Variants in COL28A1 observed in about 807,000 individuals in gnomAD.
The protein encoded by COL28A1 is collagen type XXVIII alpha 1 chain.
A neutral mutation model predicts 150.2 loss-of-function variants in COL28A1; 161 were observed. The ratio of observed to expected loss-of-function variants is 1.07; its 90% CI spans 0.94 to 1.22. The LOEUF (loss-of-function observed/expected upper bound fraction) is 1.22, where lower values mean the gene tolerates loss of function less well. COL28A1 is among the 50% of genes most tolerant of loss of function. COL28A1 has a pLI of 0.00. For missense variants in COL28A1, 1,617 were observed against 1,388.3 expected, an observed-to-expected ratio of 1.16 and a Z score of -2.62; for synonymous variants, 552 against 469.7, an observed-to-expected ratio of 1.18 and a Z score of -2.26.
At chr7:7,541,112 A>G in the COL28A1 span, among the ~76,000 whole-genome samples, 1 of 152,226 alleles carries the variant, frequency 6.6e-6, no homozygotes, top group Non-Finnish European at 1.5e-5. Flanking sequence ...TTATTATCCC[A>G]TGTTATATTA....
intron 11 of COL28A1, among the ~76,000 whole-genome samples, chr7:7,497,150 T>C (rs1412353052): frequency 6.7e-6 from 1 of 150,038 alleles, no homozygotes; most frequent in Non-Finnish European, 1.5e-5. Context: ...TCAATATTTA[T>C]CAAGTACTTG....
intron 27 of COL28A1, among the ~76,000 whole-genome samples, chr7:7,391,076 C>T (rs1281620976): frequency 1.3e-5 from 2 of 152,092 alleles, no homozygotes; most frequent in African/African-American, 2.4e-5. Flanking sequence ...GTTAGGGTGT[C>T]GATTTTAAAT....
At chr7:7,465,152 C>T (rs374670974) in intron 15 of COL28A1, among the ~76,000 whole-genome samples, 93 of 151,076 alleles carry the variant, frequency 6.2e-4, no homozygotes, top group African/African-American at 2.0e-3. Flanking sequence ...CCAGCGTGAG[C>T]GACGCAGAAG....
At chr7:7,417,555 G>GAGGGAGAGACAGAGAT in intron 27 of COL28A1, 1 of 208,086 alleles carries the variant, frequency 4.8e-6, no homozygotes, top group African/African-American at 2.7e-5. Context: ...GGGGGAGAGA[G>GAGGGAGAGACAGAGAT]AGAGAGAGAG....
chr7:7,510,419 G>A (rs1781064058), intron 9 of COL28A1, among the ~76,000 whole-genome samples: 1 of 152,002 alleles, frequency 6.6e-6, no homozygotes, highest in Non-Finnish European at 1.5e-5. Context: ...TGAGTAGCTG[G>A]GACTACAGGT....
intron 6 of COL28A1, among the ~76,000 whole-genome samples, chr7:7,518,743 AAC>A (rs1781552815): frequency 6.6e-6 from 1 of 152,210 alleles, no homozygotes; most frequent in Admixed American, 6.5e-5. Context: ...TAAACGTCAA[AAC>A]ACACACAAAA....
At chr7:7,377,842 T>C (rs1781646089) in intron 30 of COL28A1, among the ~76,000 whole-genome samples, 1 of 142,254 alleles carries the variant, frequency 7.0e-6, no homozygotes, top group African/African-American at 2.6e-5. Context: ...CAGAAGGCTG[T>C]GGTAGTAGTA....
intron 18 of COL28A1, 125 bp from the exon 19 acceptor site, chr7:7,444,614 A>C: frequency 1.2e-6 from 1 of 864,668 alleles, no homozygotes; most frequent in Admixed American, 2.8e-5. Flanking sequence ...AATTAATACT[A>C]AACTATTTGA....
At chr7:7,410,820 C>CT (rs1245935244) in intron 27 of COL28A1, among the ~76,000 whole-genome samples, 1 of 152,188 alleles carries the variant, frequency 6.6e-6, no homozygotes, top group African/African-American at 2.4e-5. Flanking sequence ...CATGTCAATA[C>CT]TTTTTAACCC....
At chr7:7,456,293 T>C (rs535742984) in intron 15 of COL28A1, among the ~76,000 whole-genome samples, 181 bp from the exon 16 acceptor site, 1 of 152,330 alleles carries the variant, frequency 6.6e-6, no homozygotes, top group Admixed American at 6.5e-5. Flanking sequence ...TTCCCCAAAA[T>C]AGTAAATGAC....
At chr7:7,386,473 C>T (rs1488948969) in intron 27 of COL28A1, among the ~76,000 whole-genome samples, 1 of 152,200 alleles carries the variant, frequency 6.6e-6, no homozygotes, top group African/African-American at 2.4e-5. Flanking sequence ...GCAGGGCATC[C>T]CGCCAATTCA....
At chr7:7,359,690 T>C (rs1458477553) in intron 34 of COL28A1, among the ~76,000 whole-genome samples, 2 of 152,168 alleles carry the variant, frequency 1.3e-5, no homozygotes, top group Non-Finnish European at 2.9e-5. Flanking sequence ...TTTCTCTTCC[T>C]TAAACATTTT....
At chr7:7,406,012 A>G (rs1274466379) in intron 27 of COL28A1, among the ~76,000 whole-genome samples, 1 of 152,194 alleles carries the variant, frequency 6.6e-6, no homozygotes, top group Non-Finnish European at 1.5e-5. Flanking sequence ...AAGTACATTC[A>G]CTTTTATTGC....
At chr7:7,399,129 A>G (rs1783015738) in intron 27 of COL28A1, among the ~76,000 whole-genome samples, 1 of 152,040 alleles carries the variant, frequency 6.6e-6, no homozygotes, top group South Asian at 2.1e-4. Context: ...ATCCATCAAA[A>G]TACACCTTAG....
At chr7:7,520,202 C>T in intron 5 of COL28A1, 87 bp from the exon 6 acceptor site, 1 of 675,032 alleles carries the variant, frequency 1.5e-6, no homozygotes, top group South Asian at 2.2e-5. Flanking sequence ...GTTTTGTTTC[C>T]TAGAATGAGG....
upstream of COL28A1, among the ~76,000 whole-genome samples, chr7:7,536,763 A>G (rs1782656341): frequency 6.6e-6 from 1 of 152,158 alleles, no homozygotes; most frequent in African/African-American, 2.4e-5. Flanking sequence ...AATGTGTATG[A>G]ATTTCCTTAT....
Position 7,456,029 on chromosome 7 carries a change from G to C in COL28A1, c.1371+15C>G, listed in dbSNP as rs1787138559. ...ATGTTCTGCACTGAAGGGAAAGGAA[G>C]AATGCATTAATTACCTGTTCCCCTT... is the stretch of plus-strand genomic sequence containing the variant. On this transcript the variant is annotated intron_variant, in intron 16 of 34. Transcript: ENST00000399429. 1 of 1,613,650 alleles carries C rather than the reference G, an allele frequency of 6.2e-7. No homozygotes were observed. The highest frequency in any genetic ancestry group is 1.3e-5 in the African/African-American group (1 of 74,894).
At position 7,531,584 on chromosome 7, in the gene COL28A1, G is replaced by A. The variant is rs767495160; in HGVS notation, c.445C>T (p.Arg149Cys). 9.4e-6 allele frequency: 15 copies of A among 1,601,422 alleles called. No individual in the cohort carries two copies. Among genetic ancestry groups the A allele is most frequent in the South Asian group, 3.3e-5 (3 of 90,782 alleles). The change falls in exon 3 of 35, where the codon CGT (arginine) becomes TGT (cysteine). Residue 149 changes from arginine (R) to cysteine (C), a missense_variant. Physicochemically the swap from Arg to Cys is radical, Grantham distance 180 (BLOSUM62 -3). Coordinates refer to ENST00000399429, the MANE Select transcript of COL28A1 (RefSeq NM_001037763.3). ...NATRLLKREG[R>C]KDGVKVVLLM... ...AAAACCACTTTCACACCATCCTTAC[G>A]CCCTTCTCTCTTAAGTAGCCTAGTG...
intron 26 of COL28A1, among the ~76,000 whole-genome samples, chr7:7,418,309 T>C (rs1336143850): frequency 6.6e-6 from 1 of 152,216 alleles, no homozygotes; most frequent in Non-Finnish European, 1.5e-5. Context: ...CCTTAAGATG[T>C]TGCTCCATTT....
Sources: allele counts gnomAD v4.1 joint callset (sites outside exome capture counted in the v4.1 genomes callset), GRCh38; gene constraint gnomAD v4.1.1; transcripts MANE v1.5; gene names NCBI Gene and HGNC (gene_info 2026-07-23, HGNC 2026-07-21).